The following ANKRD55 variants were observed in gnomAD, a reference collection of about 807,000 sequenced individuals.
ANKRD55 encodes ankyrin repeat domain 55.
In ANKRD55, 41 loss-of-function variants were observed where a neutral mutation model predicts 60.6. That is an observed-to-expected ratio of 0.68 (90% CI 0.53 to 0.88). The LOEUF is 0.88. ANKRD55 is among the 40% of genes least tolerant of loss of function. The pLI, the probability that ANKRD55 is intolerant of heterozygous loss-of-function variation, is 0.00. For synonymous variants in ANKRD55, 264 were observed against 290.3 expected (o/e 0.91, Z 0.92); for missense variants, 732 against 767.6 (o/e 0.95, Z 0.55).
intron 5 of ANKRD55, among the ~76,000 whole-genome samples, chr5:56,162,454 T>C (rs1758355515): frequency 1.3e-5 from 2 of 152,160 alleles, no homozygotes; most frequent in Non-Finnish European, 2.9e-5. Flanking sequence ...TTTCTGGCAA[T>C]AATTGTATTT....
At chr5:56,232,712 C>T (rs1346987838) in intron 2 of ANKRD55, 144 bp downstream of exon 2, 1 of 724,674 alleles carries the variant, frequency 1.4e-6, no homozygotes, top group South Asian at 1.9e-5. Context: ...CCACATCCTA[C>T]ATAGCAAATA....
intron 2 of ANKRD55, among the ~76,000 whole-genome samples, chr5:56,203,257 G>A (rs1759420754): frequency 6.6e-6 from 1 of 152,132 alleles, no homozygotes; most frequent in Non-Finnish European, 1.5e-5. Flanking sequence ...CTCGTGGGAG[G>A]TGATTAGATC....
chr5:56,113,268 T>G (rs888801337), intron 9 of ANKRD55, among the ~76,000 whole-genome samples: 1 of 152,158 alleles, frequency 6.6e-6, no homozygotes, highest in Non-Finnish European at 1.5e-5. Context: ...TGTGCTGCCT[T>G]GCATCGATGG....
intron 5 of ANKRD55, among the ~76,000 whole-genome samples, chr5:56,162,810 A>G (rs929680424): frequency 6.6e-6 from 1 of 151,920 alleles, no homozygotes; most frequent in Non-Finnish European, 1.5e-5. Flanking sequence ...AGTAGTTTGC[A>G]CTACAGGTGT....
intron 7 of ANKRD55, among the ~76,000 whole-genome samples, chr5:56,132,348 G>T (rs1438684292): frequency 2.6e-5 from 4 of 151,276 alleles, no homozygotes; most frequent in Non-Finnish European, 5.9e-5. Flanking sequence ...AAGAATAAGG[G>T]CATGGGCGGA....
intron 7 of ANKRD55, among the ~76,000 whole-genome samples, chr5:56,141,013 A>G (rs1401861871): frequency 3.3e-5 from 5 of 152,148 alleles, no homozygotes; most frequent in African/African-American, 1.2e-4. Flanking sequence ...CAGTGAGCCA[A>G]GATCGCACCA....
At chr5:56,181,660 G>A (rs758345825) in intron 3 of ANKRD55, among the ~76,000 whole-genome samples, 3 of 152,054 alleles carry the variant, frequency 2.0e-5, no homozygotes, top group Non-Finnish European at 4.4e-5. Flanking sequence ...GTGCGATCTC[G>A]GCTCACTGCA....
intron 2 of ANKRD55, among the ~76,000 whole-genome samples, chr5:56,226,150 C>A (rs1760105594): frequency 6.6e-6 from 1 of 152,146 alleles, no homozygotes; most frequent in African/African-American, 2.4e-5. Context: ...ACCAATAGAA[C>A]AGAACAGAGC....
At chr5:56,137,874 G>C (rs1757650884) in intron 7 of ANKRD55, among the ~76,000 whole-genome samples, 1 of 152,122 alleles carries the variant, frequency 6.6e-6, no homozygotes, top group South Asian at 2.1e-4. Flanking sequence ...GATCTTTATA[G>C]ATAGCTCACA....
At chr5:56,152,587 G>A (rs957488274) in intron 6 of ANKRD55, among the ~76,000 whole-genome samples, 4 of 152,166 alleles carry the variant, frequency 2.6e-5, no homozygotes, top group Admixed American at 6.5e-5. Context: ...TTTAACTCCC[G>A]GTAGCTGCAA....
intron 8 of ANKRD55, 126 bp downstream of exon 8, chr5:56,126,796 C>T: frequency 9.6e-7 from 1 of 1,036,480 alleles, no homozygotes; most frequent in Non-Finnish European, 1.4e-6. Context: ...TTGTCACAAG[C>T]CCATGTGTAT....
intron 2 of ANKRD55, among the ~76,000 whole-genome samples, chr5:56,202,196 C>G (rs1394636182): frequency 6.6e-6 from 1 of 151,874 alleles, no homozygotes; most frequent in Non-Finnish European, 1.5e-5. Context: ...CTAATAGATG[C>G]CGAGCTTAAT....
At chr5:56,129,645 G>A (rs145804553) in intron 7 of ANKRD55, among the ~76,000 whole-genome samples, 1 of 152,176 alleles carries the variant, frequency 6.6e-6, no homozygotes, top group Admixed American at 6.5e-5. Context: ...GACATTCTAG[G>A]TGACCTTCAA....
At chr5:56,143,684 G>T (rs1757825479) in intron 7 of ANKRD55, 117 bp downstream of exon 7, 8 of 1,412,794 alleles carry the variant, frequency 5.7e-6, no homozygotes, top group Non-Finnish European at 7.8e-6. Flanking sequence ...TTCAACAAGT[G>T]GTGGAGCTGA....
chr5:56,119,186 T>C (rs958481633), intron 8 of ANKRD55, among the ~76,000 whole-genome samples: 2 of 152,228 alleles, frequency 1.3e-5, no homozygotes, highest in African/African-American at 4.8e-5. Flanking sequence ...AGTGGGTGAA[T>C]GGACAAACAA....
chr5:56,131,501 A>G (rs1757410225), intron 7 of ANKRD55, among the ~76,000 whole-genome samples: 1 of 152,174 alleles, frequency 6.6e-6, no homozygotes, highest in Admixed American at 6.5e-5. Flanking sequence ...ACTAGATGTT[A>G]AAAGTAGTTT....
At chr5:56,199,348 A>G (rs1229109341) in intron 2 of ANKRD55, among the ~76,000 whole-genome samples, 2 of 152,144 alleles carry the variant, frequency 1.3e-5, no homozygotes, top group African/African-American at 4.8e-5. Context: ...AGGGAAACTA[A>G]TCTTACTGCT....
In ANKRD55 at chr5:56,224,441, A is replaced by G. The variant is rs373217275; in HGVS notation, c.58+8415T>C. On this transcript the variant is annotated intron_variant, in intron 2 of 11. Coordinates refer to ENST00000341048, the MANE Select transcript of ANKRD55 (RefSeq NM_024669.3). Reference sequence around the variant, plus strand: ...CAACTAAAAGAACTAGAGAAGCAAGAGCAAACACATTCAAAAGCTAGCAGA... The same window carrying G: ...CAACTAAAAGAACTAGAGAAGCAAGGGCAAACACATTCAAAAGCTAGCAGA... Among the ~76,000 whole-genome samples, 141 of 152,344 alleles carry G rather than the reference A, an allele frequency of 9.3e-4. 3 individuals carry two copies. The Middle Eastern group carries it at 0.027, about 29-fold the overall frequency.
intron 2 of ANKRD55, among the ~76,000 whole-genome samples, chr5:56,203,153 A>G (rs1055932603): frequency 1.3e-5 from 2 of 152,070 alleles, no homozygotes; most frequent in African/African-American, 4.8e-5. Context: ...TACTTTGGTA[A>G]TTAGGCAGTG....
Sources: allele counts gnomAD v4.1 joint callset (sites outside exome capture counted in the v4.1 genomes callset), GRCh38; gene constraint gnomAD v4.1.1; transcripts MANE v1.5; gene names NCBI Gene and HGNC (gene_info 2026-07-23, HGNC 2026-07-21).